Variants in C4orf50 observed in about 807,000 individuals in gnomAD.
The protein encoded by C4orf50 is chromosome 4 open reading frame 50, also known as uncharacterized protein C4orf50.
In C4orf50, 80 loss-of-function variants were observed where a neutral mutation model predicts 77.2. That is an observed-to-expected ratio of 1.04 (90% CI 0.87 to 1.25). C4orf50 has a LOEUF of 1.25. Among genes scored for constraint, C4orf50 ranks in the 50% most tolerant of loss-of-function variants. The probability of loss-of-function intolerance (pLI) is 0.00; values close to 1 mark genes in which losing one functional copy is unlikely to be tolerated. For missense variants in C4orf50, 1,257 were observed against 1,152.9 expected (o/e 1.09, Z -1.31); for synonymous variants, 532 against 465.3 (o/e 1.14, Z -1.84).
chr4:6,011,886 C>A lies in C4orf50; in HGVS notation c.370G>T (p.Ala124Ser). The A allele has an allele frequency of 1.0e-5, 4 of 399,046 alleles. No homozygotes were observed. Among genetic ancestry groups the A allele is most frequent in the Non-Finnish European group, 1.8e-5 (4 of 226,064 alleles). 24.7% of individuals were successfully genotyped at this position (399,046 alleles called of 1,614,324 possible). A position where few individuals can be genotyped will look rare whatever the true frequency, so the allele number is the denominator to read the frequency against. Reference sequence around the variant, plus strand: ...AGCTTCTCCTGGGCCTGGAGCCAGGCGCTTCTCTCCTGGGCCACGTGGGTG... The same window carrying A: ...AGCTTCTCCTGGGCCTGGAGCCAGGAGCTTCTCTCCTGGGCCACGTGGGTG... The change falls in exon 24 of 34, where the codon GCC becomes TCC. Residue 124 changes from alanine to serine, a missense_variant. Transcript: ENST00000531445. The surrounding 1 kb of genome is among the most constrained non-coding windows in gnomAD (Gnocchi z 4.2).
chr4:5,975,500 GT>G (rs1553917457), intron 30 of C4orf50, among the ~76,000 whole-genome samples: 1 of 15,942 alleles, frequency 6.3e-5, no homozygotes, highest in Non-Finnish European at 9.5e-5. Context: ...CGGTTTTTTT[GT>G]TTTGTTTTGT....
chr4:5,950,844 G>A (rs1577922951), intron 7 of C4orf50, among the ~76,000 whole-genome samples: 1 of 152,160 alleles, frequency 6.6e-6, no homozygotes, highest in Non-Finnish European at 1.5e-5. Flanking sequence ...GCACATAGGA[G>A]ACGATCAGTA....
intron 31 of C4orf50, among the ~76,000 whole-genome samples, chr4:5,968,931 C>T (rs913615756): frequency 6.6e-6 from 1 of 152,178 alleles, no homozygotes; most frequent in Admixed American, 6.5e-5. Flanking sequence ...CTTCCAGCTC[C>T]TCCACTACCA....
intron 28 of C4orf50, among the ~76,000 whole-genome samples, chr4:5,980,822 T>A (rs11939570): frequency 0.16 from 23,920 of 152,194 alleles, 3,168 homozygotes; most frequent in African/African-American, 0.37. Context: ...GCATAATATA[T>A]TTATATGAAA....
Position 5,932,769 on chromosome 4 carries a change from G to A in C4orf50, c.*2474+24132C>T, listed in dbSNP as rs1167228572. ...CAGTATTAAAAAAGCAAGAGAGCTG[G>A]ATTTCAATCCCAGATCAGCAGAAAT... On this transcript the variant is annotated intron_variant, in intron 7 of 7. Transcript: ENST00000324058. This position sits in a 1 kb window ranked among gnomAD's most constrained non-coding sequence, Gnocchi z 4.2. 4.6e-5 allele frequency among the ~76,000 whole-genome samples: 7 copies of A among 152,130 alleles called. No individual in the cohort carries two copies. Among genetic ancestry groups the A allele is most frequent in the Non-Finnish European group, 1.5e-5 (1 of 68,032 alleles).
chr4:5,963,610 T>C (rs1719392047), intron 33 of C4orf50, among the ~76,000 whole-genome samples: 2 of 152,184 alleles, frequency 1.3e-5, no homozygotes, highest in African/African-American at 2.4e-5. Flanking sequence ...AATGTAATTA[T>C]TGAGACAGGA....
rs1216834302 is a variant in C4orf50 at position 5,932,955 on chromosome 4, TATC to T, written c.*2474+23943_*2474+23945del. On this transcript the variant is annotated intron_variant, in intron 7 of 7. Coordinates refer to the C4orf50 transcript ENST00000324058. This position sits in a 1 kb window ranked among gnomAD's most constrained non-coding sequence, Gnocchi z 4.2. ...ACTCAATAAATGGCGGAAACCATAT[TATC>T]ATTAATATTAAAGACCGTCATTTTC... Among the ~76,000 whole-genome samples, 1 of 152,164 alleles carries T rather than the reference TATC, an allele frequency of 6.6e-6. No individual in the cohort carries two copies. The highest frequency in any genetic ancestry group is 1.9e-4 in the East Asian group (1 of 5,190).
At chr4:5,937,769 A>G (rs559759786) in intron 7 of C4orf50, among the ~76,000 whole-genome samples, 1 of 152,290 alleles carries the variant, frequency 6.6e-6, no homozygotes, top group Admixed American at 6.5e-5. Context: ...AGCCCAAGAA[A>G]CTCAGAATAA....
chr4:5,959,381 T>A (rs755713280), exon 34 of C4orf50: 2 of 1,613,292 alleles, frequency 1.2e-6, no homozygotes, highest in South Asian at 1.1e-5. Flanking sequence ...CCTATTACAT[T>A]TCTAACTCCA....
chr4:5,954,428 G>C (rs13113733), downstream of C4orf50, among the ~76,000 whole-genome samples: 46,927 of 152,008 alleles, frequency 0.31, 7,446 homozygotes, highest in Admixed American at 0.42. This position sits in a 1 kb window ranked among gnomAD's most constrained non-coding sequence, Gnocchi z 4.7. Context: ...AGCCATGGCT[G>C]GAGGGCCCCA....
exon 28 of C4orf50, chr4:5,990,541 G>C: frequency 5.0e-6 from 2 of 399,128 alleles, no homozygotes; most frequent in Non-Finnish European, 8.8e-6. Flanking sequence ...TTTGGGAGGA[G>C]GCGGGGACCT....
chr4:6,012,792 G>A (rs747284112), intron 23 of C4orf50, among the ~76,000 whole-genome samples: 2 of 152,238 alleles, frequency 1.3e-5, no homozygotes, highest in Non-Finnish European at 2.9e-5. Flanking sequence ...CCCACGGGGA[G>A]AGGAGGCACT....
chr4:5,989,040 G>A (rs1216453717), exon 28 of C4orf50: 1 of 1,535,866 alleles, frequency 6.5e-7, no homozygotes, highest in East Asian at 2.4e-5. Flanking sequence ...AGTCTTCAAG[G>A]TCAGAGATTG....
exon 34 of C4orf50, chr4:5,959,436 A>G: frequency 6.2e-7 from 1 of 1,614,180 alleles, no homozygotes; most frequent in Non-Finnish European, 8.5e-7. Context: ...GCTTTGTCTA[A>G]GCTCTTGGTG....
chr4:5,966,867 C>T (rs1027938129), intron 32 of C4orf50, among the ~76,000 whole-genome samples: 8 of 152,122 alleles, frequency 5.3e-5, no homozygotes, highest in Admixed American at 2.0e-4. Context: ...CCAGGATGGT[C>T]TCCATCTCTT....
At chr4:5,911,498 G>A (rs1396036400) in intron 7 of C4orf50, among the ~76,000 whole-genome samples, 1 of 152,182 alleles carries the variant, frequency 6.6e-6, no homozygotes, top group Admixed American at 6.5e-5. Flanking sequence ...ACAGAGAGGG[G>A]CCTCTCTTCA....
At chr4:5,957,892 G>T (rs557731176) in exon 34 of C4orf50, 1 of 152,136 alleles carries the variant, frequency 6.6e-6, no homozygotes, top group Admixed American at 6.5e-5. Flanking sequence ...CACATGAGAT[G>T]TTAACATCAA....
chr4:5,903,874 T>C (rs1716437580), intron 7 of C4orf50: 1 of 152,154 alleles, frequency 6.6e-6, no homozygotes, highest in African/African-American at 2.4e-5. Context: ...TTCACAATTA[T>C]AAAAAAAGTA....
At chr4:5,897,897 G>T (rs186132284) in exon 8 of C4orf50, 1 of 152,198 alleles carries the variant, frequency 6.6e-6, no homozygotes, top group Admixed American at 6.5e-5. Context: ...CGGAGGGGAG[G>T]TGTCGGGTCC....
Sources: gnomAD v4.1 joint callset for allele counts (sites outside exome capture counted in the v4.1 genomes callset) on GRCh38, gnomAD v4.1.1 for gene constraint, Gnocchi (gnomAD v3.1) non-coding constraint, MANE v1.5 for transcripts, NCBI Gene and HGNC (gene_info 2026-07-23, HGNC 2026-07-21) for gene names.